SKOR2: variants seen among roughly 807,000 people sequenced by gnomAD.
The protein encoded by SKOR2 is LBX1 corepressor 1-like protein.
A neutral mutation model predicts 69.1 loss-of-function variants in SKOR2; 47 were observed. That is an observed-to-expected ratio of 0.68 (90% CI 0.54 to 0.87). The LOEUF is 0.87. Ranked by LOEUF, SKOR2 falls within the 40% of genes least tolerant of loss-of-function variation. The pLI is 0.00. For synonymous variants in SKOR2, 717 were observed against 672.6 expected (o/e 1.07, Z -1.02); for missense variants, 1,404 against 1,472.2 (o/e 0.95, Z 0.76).
chr18:47,250,842 T>G (rs1321369722), intron 1 of SKOR2, among the ~76,000 whole-genome samples: 4 of 152,292 alleles, frequency 2.6e-5, no homozygotes, highest in Non-Finnish European at 2.9e-5. Flanking sequence ...CACCCGAGTC[T>G]GATACAACCA....
At chr18:47,225,789 A>G (rs975266652) in intron 6 of SKOR2, among the ~76,000 whole-genome samples, 2 of 151,990 alleles carry the variant, frequency 1.3e-5, no homozygotes, top group African/African-American at 4.8e-5. Flanking sequence ...GCAGAGGTGG[A>G]GGGAGAGGGG....
intron 7 of SKOR2, among the ~76,000 whole-genome samples, chr18:47,216,117 G>T (rs1304561812): frequency 6.6e-6 from 1 of 152,108 alleles, no homozygotes; most frequent in Admixed American, 6.6e-5. Flanking sequence ...GTTAAGTTTT[G>T]CTTTTAAAAT....
chr18:47,211,756 C>T (rs930965628), intron 8 of SKOR2, among the ~76,000 whole-genome samples: 3 of 152,210 alleles, frequency 2.0e-5, no homozygotes, highest in Non-Finnish European at 2.9e-5. Flanking sequence ...CTGAGGATGA[C>T]TGCTGACACT....
chr18:47,234,694 C>A (rs1345084820), intron 4 of SKOR2: 2 of 152,072 alleles, frequency 1.3e-5, no homozygotes, highest in African/African-American at 4.8e-5. Flanking sequence ...AACCCCATCT[C>A]TACTAAAAAT....
At position 47,248,419 on chromosome 18, in the gene SKOR2, C is replaced by A. The variant is rs1308734750; in HGVS notation, c.765G>T (p.Pro255=). Residue 255 remains proline, a synonymous_variant, in exon 2 of 9, where the codon CCG becomes CCT. Transcript: ENST00000425639. This position sits in a 1 kb window ranked among gnomAD's most constrained non-coding sequence, Gnocchi z 6.4. ...CGGCGGCCGCCTTCACAGAGCTGAG[C>A]GGGTGGCAGGCGGGGTGCGCGCCCG... The part of the protein sequence containing the change: ...PQPGAHPACH[P]LSSVKAAAVA... 6.5e-7 allele frequency: 1 copy of A among 1,527,060 alleles called. No homozygotes were observed. The highest frequency in any genetic ancestry group is 8.8e-7 in the Non-Finnish European group (1 of 1,141,914). 94.6% of individuals were successfully genotyped at this position (1,527,060 alleles called of 1,614,324 possible). A position where few individuals can be genotyped will look rare whatever the true frequency, so the allele number is the denominator to read the frequency against.
chr18:47,244,957 G>A lies in SKOR2; in HGVS notation c.2703C>T (p.Phe901=), dbSNP rs1378927929. The A allele has an allele frequency of 2.6e-6, 4 of 1,535,268 alleles. No individual in the cohort carries two copies. The highest frequency in any genetic ancestry group is 2.0e-5 in the Admixed American group (1 of 50,938). ...CTCCAGAAGCATCAGAGTCTGTGAT[G>A]AAAAAGCTATGCTCCTTGTTCTTAT... ...FSDKNKEHSF[F]ITDSDASGGD... The change falls in exon 4 of 9, where the codon TTC becomes TTT. Residue 901 remains phenylalanine (F), a synonymous_variant. Coordinates refer to ENST00000425639, the MANE Select transcript of SKOR2 (RefSeq NM_001278063.4).
intron 7 of SKOR2, 42 bp downstream of exon 7, chr18:47,219,901 C>T (rs1171752910): frequency 6.0e-6 from 9 of 1,506,274 alleles, no homozygotes; most frequent in Non-Finnish European, 7.1e-6. Flanking sequence ...TGAAAACAAA[C>T]CAATTAAGTT....
rs191504654 is a variant in SKOR2 at position 47,251,627 on chromosome 18, C to G, written c.-301G>C. 1 of 152,296 alleles carries G rather than the reference C, an allele frequency of 6.6e-6. No homozygotes were observed. The highest frequency in any genetic ancestry group is 1.9e-4 in the East Asian group (1 of 5,156). The allele number at this position is 152,296 out of a possible 1,614,324, so 9.4% of individuals were successfully genotyped here. A position where few individuals can be genotyped will look rare whatever the true frequency, so the allele number is the denominator to read the frequency against. On this transcript the variant is annotated 5_prime_UTR_variant, in exon 1 of 9. Coordinates refer to ENST00000425639, the MANE Select transcript of SKOR2 (RefSeq NM_001278063.4). ...CGCAGAAACCCGCGGCAGGAGAGCCCCAAGTGGAGCGCAGTCTGACAGCGT... is the reference window on the plus strand; with the variant it reads ...CGCAGAAACCCGCGGCAGGAGAGCCGCAAGTGGAGCGCAGTCTGACAGCGT...
intron 4 of SKOR2, among the ~76,000 whole-genome samples, chr18:47,241,945 T>G (rs868165862): frequency 3.9e-5 from 6 of 152,330 alleles, no homozygotes; most frequent in Middle Eastern, 6.8e-3. Flanking sequence ...TATCACTACG[T>G]GTTATTACCA....
chr18:47,237,699 CTTTTT>C (rs398041372), intron 4 of SKOR2, among the ~76,000 whole-genome samples: 1 of 134,548 alleles, frequency 7.4e-6, no homozygotes, highest in African/African-American at 2.7e-5. Context: ...TTTTCTTTTT[CTTTTT>C]TTTTTTTTTT....
intron 4 of SKOR2, among the ~76,000 whole-genome samples, chr18:47,242,544 CATT>C (rs1257445434): frequency 1.3e-5 from 2 of 151,920 alleles, no homozygotes; most frequent in Non-Finnish European, 1.5e-5. Flanking sequence ...TTGTATGAAT[CATT>C]GTTACCCCTT....
intron 6 of SKOR2, 136 bp downstream of exon 6, chr18:47,230,323 T>G: frequency 3.8e-6 from 2 of 525,076 alleles, no homozygotes; most frequent in Non-Finnish European, 5.9e-6. Context: ...CTAAAATTTA[T>G]GAATATTTAG....
At chr18:47,241,154 C>A (rs557650127) in intron 4 of SKOR2, among the ~76,000 whole-genome samples, 1 of 152,166 alleles carries the variant, frequency 6.6e-6, no homozygotes, top group Admixed American at 6.5e-5. Context: ...TCTGAATTCC[C>A]AGAGTCTAGG....
intron 6 of SKOR2, among the ~76,000 whole-genome samples, chr18:47,222,684 G>T (rs1203897556): frequency 2.0e-5 from 3 of 152,232 alleles, no homozygotes; most frequent in Non-Finnish European, 4.4e-5. Flanking sequence ...AGCCTCTAGG[G>T]ATCCAAGATG....
intron 1 of SKOR2, among the ~76,000 whole-genome samples, chr18:47,250,528 C>T (rs1293542041): frequency 6.6e-6 from 1 of 152,236 alleles, no homozygotes; most frequent in African/African-American, 2.4e-5. Context: ...GAGGCCATAG[C>T]GTGGCCCCTT....
At chr18:47,228,078 T>C (rs1363203155) in intron 6 of SKOR2, among the ~76,000 whole-genome samples, 1 of 152,180 alleles carries the variant, frequency 6.6e-6, no homozygotes, top group African/African-American at 2.4e-5. Context: ...CAAATCTTGG[T>C]TTTCCCCTTT....
Position 47,248,176 on chromosome 18 carries a change from G to A in SKOR2, c.1008C>T (p.Leu336=), listed in dbSNP as rs1056063380. The A allele has an allele frequency of 1.2e-5, 15 of 1,236,672 alleles. No homozygotes were observed. The highest frequency in any genetic ancestry group is 1.6e-5 in the African/African-American group (1 of 63,690). 76.6% of individuals were successfully genotyped at this position (1,236,672 alleles called of 1,614,324 possible). Residue 336 remains leucine, a synonymous_variant, in exon 2 of 9, where the codon CTC becomes CTT. Coordinates refer to ENST00000425639, the MANE Select transcript of SKOR2 (RefSeq NM_001278063.4). This position sits in a 1 kb window ranked among gnomAD's most constrained non-coding sequence, Gnocchi z 6.4. ...CGCCGCCCGAAGCAGCAGCCACAGAGAGGCTGGCGGCTGCGGCCGAGAGGC... is the reference window on the plus strand; with the variant it reads ...CGCCGCCCGAAGCAGCAGCCACAGAAAGGCTGGCGGCTGCGGCCGAGAGGC... The part of the protein sequence containing the change: ...AASLSAAAAS[L]SVAAASGGAG...
At chr18:47,237,466 A>G (rs538025615) in intron 4 of SKOR2, among the ~76,000 whole-genome samples, 2 of 152,340 alleles carry the variant, frequency 1.3e-5, no homozygotes, top group Admixed American at 6.5e-5. Context: ...CCGTTGGTGG[A>G]CATGAGAGAG....
intron 4 of SKOR2, among the ~76,000 whole-genome samples, chr18:47,239,547 T>G (rs1184199498): frequency 1.3e-5 from 2 of 152,236 alleles, no homozygotes; most frequent in Middle Eastern, 3.2e-3. Context: ...CTTGAATCAG[T>G]AAATTAAATA....
Sources: gnomAD v4.1 joint callset for allele counts (sites outside exome capture counted in the v4.1 genomes callset) on GRCh38, gnomAD v4.1.1 for gene constraint, Gnocchi (gnomAD v3.1) non-coding constraint, MANE v1.5 for transcripts, NCBI Gene and HGNC (gene_info 2026-07-23, HGNC 2026-07-21) for gene names.